Variants in GALNT17 observed in about 807,000 individuals in gnomAD.
GALNT17 encodes UDP-GalNAc:polypeptide N-acetylgalactosaminyltransferase-like 3.
GALNT17 carries 29 observed loss-of-function variants against 63.7 expected under a neutral mutation model. That is an observed-to-expected ratio of 0.46 (90% CI 0.34 to 0.62). The LOEUF (loss-of-function observed/expected upper bound fraction) is 0.62. Ranked by LOEUF, GALNT17 falls within the 20% of genes least tolerant of loss-of-function variation. GALNT17 has a pLI of 0.01. For synonymous variants in GALNT17, 305 were observed against 318.3 expected (o/e 0.96, Z 0.45); for missense variants, 603 against 799.6 (o/e 0.75, Z 2.97).
chr7:71,411,905 A>C (rs1028453101), intron 3 of GALNT17, among the ~76,000 whole-genome samples: 3 of 152,202 alleles, frequency 2.0e-5, no homozygotes, highest in Non-Finnish European at 4.4e-5. Flanking sequence ...TTATAAAATG[A>C]ATGCACATAT....
intron 1 of GALNT17, among the ~76,000 whole-genome samples, chr7:71,306,457 C>T (rs1013972384): frequency 6.6e-6 from 1 of 152,074 alleles, no homozygotes; most frequent in African/African-American, 2.4e-5. Flanking sequence ...GACTACTCTA[C>T]ATACCTCATT....
chr7:71,134,403 G>A (rs1316150054), intron 1 of GALNT17, among the ~76,000 whole-genome samples: 1 of 152,228 alleles, frequency 6.6e-6, no homozygotes. Flanking sequence ...GGGGCAGGGA[G>A]AAGGAGGATG....
chr7:71,163,529 A>G (rs890149607), intron 1 of GALNT17, among the ~76,000 whole-genome samples: 1 of 152,190 alleles, frequency 6.6e-6, no homozygotes, highest in South Asian at 2.1e-4. Flanking sequence ...CGAGCCAAAC[A>G]GGGGGATTGG....
intron 1 of GALNT17, among the ~76,000 whole-genome samples, chr7:71,291,401 C>T (rs1790977115): frequency 6.6e-6 from 1 of 152,102 alleles, no homozygotes; most frequent in Non-Finnish European, 1.5e-5. Flanking sequence ...TGGGTTGACC[C>T]CACGTTTTAC....
chr7:71,302,617 G>A (rs749697864), intron 1 of GALNT17, among the ~76,000 whole-genome samples: 4 of 152,076 alleles, frequency 2.6e-5, no homozygotes, highest in South Asian at 2.1e-4. Context: ...CTCATAGAAC[G>A]TCACTGTAAT....
intron 1 of GALNT17, among the ~76,000 whole-genome samples, chr7:71,211,212 G>C (rs992819285): frequency 6.6e-6 from 1 of 152,132 alleles, no homozygotes; most frequent in African/African-American, 2.4e-5. Flanking sequence ...AGGGACCCAG[G>C]GGGAGGTAGT....
intron 5 of GALNT17, among the ~76,000 whole-genome samples, chr7:71,484,308 C>T (rs1442099880): frequency 6.6e-6 from 1 of 151,920 alleles, no homozygotes; most frequent in Non-Finnish European, 1.5e-5. Flanking sequence ...GGCAACATGG[C>T]GAAACCTCGT....
intron 9 of GALNT17, among the ~76,000 whole-genome samples, chr7:71,701,587 C>A (rs1302752475): frequency 6.6e-6 from 1 of 151,328 alleles, no homozygotes; most frequent in Admixed American, 6.6e-5. Context: ...TGGGTATCTA[C>A]CCAAAGAAAA....
intron 1 of GALNT17, among the ~76,000 whole-genome samples, chr7:71,142,396 C>G (rs1020217751): frequency 6.6e-6 from 1 of 152,162 alleles, no homozygotes; most frequent in African/African-American, 2.4e-5. Context: ...CCTGCTCCTC[C>G]TCTTACTTAT....
chr7:71,420,741 G>A (rs1786647725), intron 4 of GALNT17, among the ~76,000 whole-genome samples, 167 bp from the exon 5 acceptor site: 1 of 152,186 alleles, frequency 6.6e-6, no homozygotes. Context: ...GAGTGAAGCT[G>A]CAGGATCCAG....
At chr7:71,319,044 T>C (rs1244254489) in intron 1 of GALNT17, among the ~76,000 whole-genome samples, 1 of 148,326 alleles carries the variant, frequency 6.7e-6, no homozygotes, top group Non-Finnish European at 1.5e-5. Flanking sequence ...GGTTCCTTGG[T>C]GTTATCCTAA....
chr7:71,205,677 T>A (rs1169600554), intron 1 of GALNT17, among the ~76,000 whole-genome samples: 18 of 152,112 alleles, frequency 1.2e-4, no homozygotes, highest in Non-Finnish European at 2.1e-4. Context: ...AATGAGATTG[T>A]TTTCTTGATT....
At chr7:71,194,489 G>A (rs1789010121) in intron 1 of GALNT17, among the ~76,000 whole-genome samples, 1 of 152,138 alleles carries the variant, frequency 6.6e-6, no homozygotes, top group African/African-American at 2.4e-5. Flanking sequence ...AACTGGAGGA[G>A]GGAGAAGGAA....
intron 2 of GALNT17, among the ~76,000 whole-genome samples, chr7:71,370,000 G>GT (rs1792592341): frequency 6.6e-6 from 1 of 152,084 alleles, no homozygotes; most frequent in Admixed American, 6.6e-5. Flanking sequence ...TCTAGAGGAA[G>GT]CAATTGGCCA....
intron 5 of GALNT17, among the ~76,000 whole-genome samples, chr7:71,497,581 A>C (rs1788116509): frequency 6.6e-6 from 1 of 152,188 alleles, no homozygotes; most frequent in South Asian, 2.1e-4. Context: ...ATTCCAGGGT[A>C]CTGGGGGTTA....
chr7:71,239,342 A>T (rs1789953308), intron 1 of GALNT17, among the ~76,000 whole-genome samples: 1 of 151,100 alleles, frequency 6.6e-6, no homozygotes, highest in East Asian at 2.0e-4. Context: ...GCATGGTGGT[A>T]CATGCCTGTA....
intron 5 of GALNT17, among the ~76,000 whole-genome samples, chr7:71,487,031 TGG>T (rs1369863962): frequency 2.0e-5 from 3 of 152,202 alleles, no homozygotes. Context: ...CTTTTCAGTG[TGG>T]GACACGAAGC....
intron 1 of GALNT17, among the ~76,000 whole-genome samples, chr7:71,213,440 A>G (rs1474620317): frequency 6.9e-6 from 1 of 144,914 alleles, no homozygotes; most frequent in Middle Eastern, 3.4e-3. Context: ...TATATGTTTC[A>G]TAGATGTTTA....
chr7:71,377,114 A>AAAAAATATAAATATATATATATATAT, intron 2 of GALNT17, among the ~76,000 whole-genome samples: 1 of 57,486 alleles, frequency 1.7e-5, no homozygotes, highest in Non-Finnish European at 3.0e-5. Context: ...AAATAAAAAA[A>AAAAAATATAAATATATATATATATAT]ATATATATAT....
Sources: allele counts gnomAD v4.1 joint callset (sites outside exome capture counted in the v4.1 genomes callset), GRCh38; gene constraint gnomAD v4.1.1; transcripts MANE v1.5; gene names NCBI Gene and HGNC (gene_info 2026-07-23, HGNC 2026-07-21).